SMARCA2: variants seen among roughly 807,000 people sequenced by gnomAD.
SMARCA2 encodes the protein SWI/SNF-related matrix-associated actin-dependent regulator of chromatin subfamily A member 2.
SMARCA2 carries 61 observed loss-of-function variants against 199.8 expected under a neutral mutation model. The observed-to-expected ratio is 0.31, with a 90% CI of 0.25 to 0.38. SMARCA2 has a LOEUF of 0.38. Ranked by LOEUF, SMARCA2 falls within the 10% of genes least tolerant of loss-of-function variation. The pLI, the probability that SMARCA2 is intolerant of heterozygous loss-of-function variation, is 1.00. For missense variants in SMARCA2, 1,344 were observed against 2,012.2 expected (o/e 0.67, Z 6.35); for synonymous variants, 935 against 732.0 (o/e 1.28, Z -4.48).
intron 29 of SMARCA2, among the ~76,000 whole-genome samples, chr9:2,179,764 G>A (rs1367412424): frequency 6.6e-6 from 1 of 152,230 alleles, no homozygotes; most frequent in Non-Finnish European, 1.5e-5. Context: ...TGTTGGCAAT[G>A]TAGAAGATGA....
chr9:2,076,007 C>A (rs149312762), intron 12 of SMARCA2, among the ~76,000 whole-genome samples: 99 of 152,246 alleles, frequency 6.5e-4, no homozygotes, highest in African/African-American at 2.3e-3. Flanking sequence ...TCTAGGGGAT[C>A]CTCAGAGAGT....
At chr9:2,060,689 C>A in intron 8 of SMARCA2, 127 bp from the exon 9 acceptor site, 1 of 782,430 alleles carries the variant, frequency 1.3e-6, no homozygotes, top group Non-Finnish European at 2.0e-6. Flanking sequence ...CTTGAACAGC[C>A]CAACTCATCC....
At position 2,119,753 on chromosome 9, in the gene SMARCA2, T is replaced by TA. The variant is rs1283262383; in HGVS notation, c.3762+224dup. On this transcript the variant is annotated intron_variant, in intron 26 of 33. Transcript: ENST00000349721. This position sits in a 1 kb window ranked among gnomAD's most constrained non-coding sequence, Gnocchi z 4.6. ...TAAAATTTCCCATTCATTGCCAACA[T>TA]AAAAAAGAATCCTGATTTCTGGCTT... 6.6e-6 allele frequency among the ~76,000 whole-genome samples: 1 copy of TA among 152,162 alleles called. No individual in the cohort carries two copies.
intron 2 of SMARCA2, among the ~76,000 whole-genome samples, chr9:2,032,146 C>T (rs1005819448): frequency 2.0e-5 from 3 of 152,176 alleles, no homozygotes; most frequent in Non-Finnish European, 2.9e-5. Context: ...CATTTGGTTT[C>T]TATAAACTCC....
At chr9:2,081,057 T>C (rs1013997411) in intron 14 of SMARCA2, among the ~76,000 whole-genome samples, 19 of 152,252 alleles carry the variant, frequency 1.2e-4, no homozygotes, top group Admixed American at 2.0e-4. Context: ...GCAAGCTAAA[T>C]TGACTTTAGC....
chr9:2,081,691 G>T, intron 14 of SMARCA2, 141 bp from the exon 15 acceptor site: 1 of 647,142 alleles, frequency 1.5e-6, no homozygotes, highest in Non-Finnish European at 2.7e-6. Flanking sequence ...TTTTTGCATT[G>T]GTGCTTCCCC....
At position 2,029,497 on chromosome 9, in the gene SMARCA2, A is replaced by G. The variant is rs1015161344; in HGVS notation, c.225+250A>G. On this transcript the variant is annotated intron_variant, in intron 2 of 33. Coordinates refer to ENST00000349721, the MANE Select transcript of SMARCA2 (RefSeq NM_003070.5). ...TAGACTATGCAGTTCTGATAAGTAGATCCTGTGATTTGTGGGTTGAAGGTA... is the reference window on the plus strand; with the variant it reads ...TAGACTATGCAGTTCTGATAAGTAGGTCCTGTGATTTGTGGGTTGAAGGTA... Among the ~76,000 whole-genome samples the G allele has an allele frequency of 2.0e-5, 3 of 152,196 alleles. No homozygotes were observed. The East Asian group carries it at 5.8e-4, about 29-fold the overall frequency.
At chr9:2,030,910 A>T (rs1231484363) in intron 2 of SMARCA2, among the ~76,000 whole-genome samples, 1 of 152,230 alleles carries the variant, frequency 6.6e-6, no homozygotes, top group African/African-American at 2.4e-5. Flanking sequence ...TTGTAATTTG[A>T]TGATTTTTCA....
Position 2,155,720 on chromosome 9 carries a change from C to CTTTTTTTTTTTTTTT in SMARCA2, c.3982-5942_3982-5928dup, listed in dbSNP as rs59156319. On this transcript the variant is annotated intron_variant, in intron 27 of 33. Transcript: ENST00000349721. The stretch of plus-strand genomic sequence containing the variant: ...TATGGCATATGGGGAAAGAGAAAAC[C>CTTTTTTTTTTTTTTT]TTTTTTTTTTTTTTTTTTTTTTTTT... 5.6e-5 allele frequency among the ~76,000 whole-genome samples: 3 copies of CTTTTTTTTTTTTTTT among 53,152 alleles called. 1 individual carries two copies. Among genetic ancestry groups the CTTTTTTTTTTTTTTT allele is most frequent in the Non-Finnish European group, 1.0e-4 (3 of 28,614 alleles). The allele number at this position is 53,152 out of a possible 152,430, so 34.9% of individuals were successfully genotyped here.
chr9:2,151,032 A>T (rs1405615758), intron 27 of SMARCA2, among the ~76,000 whole-genome samples: 1 of 151,636 alleles, frequency 6.6e-6, no homozygotes, highest in African/African-American at 2.4e-5. Context: ...AGAGGGATGC[A>T]GTTCAGCCCA....
chr9:2,182,745 T>C (rs1827140597), intron 31 of SMARCA2, among the ~76,000 whole-genome samples: 2 of 151,764 alleles, frequency 1.3e-5, no homozygotes, highest in South Asian at 4.2e-4. Context: ...TCCGCCTGCC[T>C]CGGCCTCCCA....
intron 29 of SMARCA2, among the ~76,000 whole-genome samples, chr9:2,176,361 C>G (rs1341944514): frequency 2.0e-5 from 3 of 151,996 alleles, no homozygotes; most frequent in Non-Finnish European, 2.9e-5. Flanking sequence ...TTATCTGTTT[C>G]AGCCCAGAGT....
At chr9:2,084,054 GA>G in intron 16 of SMARCA2, 31 bp from the exon 17 acceptor site, 1 of 1,167,454 alleles carries the variant, frequency 8.6e-7, no homozygotes, top group African/African-American at 1.5e-5. Flanking sequence ...ATGTCCATAG[GA>G]TCATGCATGT....
intron 27 of SMARCA2, among the ~76,000 whole-genome samples, chr9:2,130,556 T>G (rs1563789353): frequency 6.6e-6 from 1 of 152,240 alleles, no homozygotes; most frequent in Non-Finnish European, 1.5e-5. Flanking sequence ...TTTTAGAAAG[T>G]GTGAAAGAGA....
At chr9:2,070,616 A>C in intron 10 of SMARCA2, 145 bp downstream of exon 10, 1 of 619,868 alleles carries the variant, frequency 1.6e-6, no homozygotes, top group South Asian at 2.0e-5. Flanking sequence ...ATAGTAGAAA[A>C]TTAGAATGAT....
intron 27 of SMARCA2, among the ~76,000 whole-genome samples, chr9:2,129,690 C>T (rs547457336): frequency 2.0e-5 from 3 of 152,156 alleles, no homozygotes; most frequent in African/African-American, 7.2e-5. Flanking sequence ...GGCTCACATC[C>T]CCAACCCTGT....
chr9:2,026,849 A>G (rs1442750703), intron 1 of SMARCA2, among the ~76,000 whole-genome samples: 3 of 152,122 alleles, frequency 2.0e-5, no homozygotes. Context: ...AAGCAAAAAG[A>G]AAAAAAAGTT....
At chr9:2,060,746 G>A in intron 8 of SMARCA2, 70 bp from the exon 9 acceptor site, 1 of 1,438,226 alleles carries the variant, frequency 7.0e-7, no homozygotes, top group Non-Finnish European at 9.7e-7. Context: ...TCAAGGGGAG[G>A]ACAGAGTGGA....
rs565454275 is a variant in SMARCA2 at position 2,058,165 on chromosome 9, A to G, written c.1348-126A>G. 6 of 823,910 alleles carry G rather than the reference A, an allele frequency of 7.3e-6. No homozygotes were observed. In the African/African-American group the frequency reaches 1.0e-4, roughly 14 times the overall value. The allele number at this position is 823,910 out of a possible 1,614,324, so 51.0% of individuals were successfully genotyped here. ...AGAGACACCAGGGCACCTATCCCCA[A>G]ACAGATTCTAGTCTTCCTATGCTGT... On this transcript the variant is annotated intron_variant, in intron 7 of 33. Coordinates refer to ENST00000349721, the MANE Select transcript of SMARCA2 (RefSeq NM_003070.5).
Sources: gnomAD v4.1 joint callset for allele counts (sites outside exome capture counted in the v4.1 genomes callset) on GRCh38, gnomAD v4.1.1 for gene constraint, Gnocchi (gnomAD v3.1) non-coding constraint, MANE v1.5 for transcripts, NCBI Gene and HGNC (gene_info 2026-07-23, HGNC 2026-07-21) for gene names.